The following C3orf52 variants were observed in gnomAD, a reference collection of about 807,000 sequenced individuals.
The protein encoded by C3orf52 is chromosome 3 open reading frame 52.
C3orf52 carries 22 observed loss-of-function variants against 24.8 expected under a neutral mutation model. That is an observed-to-expected ratio of 0.89 (90% CI 0.63 to 1.27). The LOEUF is 1.27. Among genes scored for constraint, C3orf52 ranks in the 50% most tolerant of loss-of-function variants. The probability of loss-of-function intolerance (pLI) is 0.00; values close to 1 mark genes in which losing one functional copy is unlikely to be tolerated. For synonymous variants in C3orf52, 93 were observed against 100.2 expected (o/e 0.93, Z 0.43); for missense variants, 265 against 260.7 (o/e 1.02, Z -0.11).
intron 5 of C3orf52, among the ~76,000 whole-genome samples, chr3:112,114,810 C>T (rs1403082021): frequency 6.6e-6 from 1 of 152,158 alleles, no homozygotes; most frequent in Non-Finnish European, 1.5e-5. Flanking sequence ...TTTTCTTAGG[C>T]CCCTTGCAAA....
intron 3 of C3orf52, among the ~76,000 whole-genome samples, chr3:112,104,749 T>C (rs950601028): frequency 6.6e-6 from 1 of 152,208 alleles, no homozygotes; most frequent in Non-Finnish European, 1.5e-5. Flanking sequence ...ACCCGAGCAG[T>C]GTACACTGTG....
chr3:112,118,686 C>G (rs1022080195), downstream of C3orf52, among the ~76,000 whole-genome samples: 3 of 152,104 alleles, frequency 2.0e-5, no homozygotes, highest in Admixed American at 2.0e-4. Flanking sequence ...ACGGCCCTTA[C>G]AAATGCACTG....
At chr3:112,111,428 G>C (rs1293459370) in intron 4 of C3orf52, 1 of 152,258 alleles carries the variant, frequency 6.6e-6, no homozygotes, top group African/African-American at 2.4e-5. Flanking sequence ...GGCCCAGCTA[G>C]AACCTGGAAA....
intron 4 of C3orf52, chr3:112,123,763 C>A: frequency 6.2e-7 from 1 of 1,607,162 alleles, no homozygotes; most frequent in South Asian, 1.1e-5. Flanking sequence ...TAGGTCTGGT[C>A]AACATTGTCC....
chr3:112,093,306 GA>G, intron 1 of C3orf52, 53 bp from the exon 2 acceptor site: 2 of 1,599,522 alleles, frequency 1.3e-6, no homozygotes, highest in South Asian at 2.3e-5. Flanking sequence ...TAGGTATTCA[GA>G]ACTGTCTGTT....
At chr3:112,107,130 G>A (rs1245432667) in intron 3 of C3orf52, among the ~76,000 whole-genome samples, 1 of 152,156 alleles carries the variant, frequency 6.6e-6, no homozygotes, top group Non-Finnish European at 1.5e-5. Context: ...CACTCCATAT[G>A]TTACCTTAAA....
At chr3:112,103,857 A>G (rs1181133717) in intron 3 of C3orf52, among the ~76,000 whole-genome samples, 1 of 152,232 alleles carries the variant, frequency 6.6e-6, no homozygotes, top group East Asian at 1.9e-4. Context: ...AGATAAGGCT[A>G]AAAAGGAAGG....
chr3:112,103,403 C>T (rs1019657170), intron 3 of C3orf52, among the ~76,000 whole-genome samples: 2 of 152,204 alleles, frequency 1.3e-5, no homozygotes, highest in Non-Finnish European at 1.5e-5. Flanking sequence ...AATATCTTTA[C>T]TGTAGTGCAA....
In C3orf52 at chr3:112,096,327, T is replaced by C. The variant is rs192959219; in HGVS notation, c.268+2838T>C. Among the ~76,000 whole-genome samples, 929 of 152,312 alleles carry C rather than the reference T, an allele frequency of 6.1e-3. 5 individuals are homozygous for C. Among genetic ancestry groups the C allele is most frequent in the Non-Finnish European group, 9.8e-3 (667 of 68,022 alleles). On this transcript the variant is annotated intron_variant, in intron 2 of 5. Transcript: ENST00000264848. The stretch of plus-strand genomic sequence containing the variant: ...TGCGTTGGGCAGCAGTGAGAGGAGA[T>C]GGTGCATTCCTGCACCATTACCCCA...
chr3:112,108,148 C>T (rs1297224302), intron 3 of C3orf52, among the ~76,000 whole-genome samples: 1 of 152,030 alleles, frequency 6.6e-6, no homozygotes, highest in Non-Finnish European at 1.5e-5. Flanking sequence ...AAACTAACCA[C>T]TTCAGATAGA....
Position 112,118,001 on chromosome 3 carries a change from A to G in C3orf52, c.*1355A>G, listed in dbSNP as rs2074153742. 6.6e-6 allele frequency: 1 copy of G among 152,196 alleles called. No homozygotes were observed. The allele number at this position is 152,196 out of a possible 1,614,324, so 9.4% of individuals were successfully genotyped here. ...CTGGATAATGTGAATTTGCTTTCCTATTTAACTAGAAGATACATGTACTAT... is the reference window on the plus strand; with the variant it reads ...CTGGATAATGTGAATTTGCTTTCCTGTTTAACTAGAAGATACATGTACTAT... On this transcript the variant is annotated 3_prime_UTR_variant, in exon 6 of 6. Coordinates refer to ENST00000264848, the MANE Select transcript of C3orf52 (RefSeq NM_024616.3).
At chr3:112,128,370 C>A (rs1013934673) in exon 5 of C3orf52, 33 of 509,106 alleles carry the variant, frequency 6.5e-5, no homozygotes, top group Middle Eastern at 1.1e-3. Flanking sequence ...TAAGTGTTAT[C>A]CCCAGGAAAT....
At chr3:112,099,469 G>A (rs1354592510) in intron 2 of C3orf52, among the ~76,000 whole-genome samples, 2 of 152,030 alleles carry the variant, frequency 1.3e-5, no homozygotes, top group African/African-American at 4.8e-5. Context: ...TCAAGCCTCT[G>A]GGCCTGTTTT....
At chr3:112,103,649 G>A (rs751104800) in intron 3 of C3orf52, among the ~76,000 whole-genome samples, 17 of 152,212 alleles carry the variant, frequency 1.1e-4, no homozygotes, top group Admixed American at 2.0e-4. Context: ...GTTCTAGTGT[G>A]TTGTACAGTG....
intron 4 of C3orf52, among the ~76,000 whole-genome samples, chr3:112,125,833 C>G (rs564295982): frequency 1.3e-5 from 2 of 152,288 alleles, no homozygotes; most frequent in African/African-American, 2.4e-5. Context: ...TACCTGCTGG[C>G]AGATAACAAA....
intron 1 of C3orf52, among the ~76,000 whole-genome samples, chr3:112,091,542 C>G (rs1367725563): frequency 6.6e-6 from 1 of 152,194 alleles, no homozygotes; most frequent in African/African-American, 2.4e-5. Context: ...ACCTCCCTTA[C>G]AATCTGGTCC....
chr3:112,130,532 G>A, downstream of C3orf52: 2 of 1,609,900 alleles, frequency 1.2e-6, no homozygotes, highest in South Asian at 1.1e-5. Context: ...CAACATATCA[G>A]AAACAGGCTA....
chr3:112,134,601 G>T (rs1389064000), downstream of C3orf52: 1 of 152,208 alleles, frequency 6.6e-6, no homozygotes, highest in Non-Finnish European at 1.5e-5. Flanking sequence ...TGAACATAGG[G>T]TTACTGTACA....
At chr3:112,122,167 A>G (rs2074213417), downstream of C3orf52, 1 of 152,230 alleles carries the variant, frequency 6.6e-6, no homozygotes, top group African/African-American at 2.4e-5. Context: ...TCAGTAACCA[A>G]ACACATTTCT....
Sources: allele counts gnomAD v4.1 joint callset (sites outside exome capture counted in the v4.1 genomes callset), GRCh38; gene constraint gnomAD v4.1.1; transcripts MANE v1.5; gene names NCBI Gene and HGNC (gene_info 2026-07-23, HGNC 2026-07-21).